The following STON2 variants were observed in gnomAD, a reference collection of about 807,000 sequenced individuals.
STON2 encodes stonin-2.
STON2 carries 29 observed loss-of-function variants against 65.7 expected under a neutral mutation model. The observed-to-expected ratio is 0.44, with a 90% CI of 0.33 to 0.60. STON2 has a LOEUF of 0.60. Ranked by LOEUF, STON2 falls within the 20% of genes least tolerant of loss-of-function variation. STON2 has a pLI of 0.03. For missense variants in STON2, 1,054 were observed against 1,118.1 expected (o/e 0.94, Z 0.82); for synonymous variants, 404 against 414.2 (o/e 0.98, Z 0.30).
intron 4 of STON2, among the ~76,000 whole-genome samples, chr14:81,357,921 G>A (rs1898320782): frequency 6.7e-6 from 1 of 150,066 alleles, no homozygotes; most frequent in South Asian, 2.2e-4. Flanking sequence ...ATAGCATTGG[G>A]AGATATACCT....
intron 2 of STON2, among the ~76,000 whole-genome samples, chr14:81,416,502 G>T (rs1353344441): frequency 6.6e-6 from 1 of 152,208 alleles, no homozygotes; most frequent in East Asian, 1.9e-4. Flanking sequence ...CGGAGGCAGG[G>T]TCAACACAGT....
chr14:81,312,056 G>A (rs763500001), intron 5 of STON2, among the ~76,000 whole-genome samples: 3 of 152,212 alleles, frequency 2.0e-5, no homozygotes, highest in Non-Finnish European at 2.9e-5. Flanking sequence ...CGTAGCATGT[G>A]TGCAGCATAG....
chr14:81,414,609 T>C (rs922735765), intron 2 of STON2, among the ~76,000 whole-genome samples: 2 of 151,702 alleles, frequency 1.3e-5, no homozygotes, highest in African/African-American at 4.8e-5. Flanking sequence ...TTTCTCAAGA[T>C]TCCTTGAATA....
intron 5 of STON2, among the ~76,000 whole-genome samples, chr14:81,293,150 T>C (rs919082384): frequency 6.6e-6 from 1 of 151,088 alleles, no homozygotes; most frequent in Non-Finnish European, 1.5e-5. Context: ...TAGGAAGCCT[T>C]CACCTTAGTT....
At chr14:81,391,628 T>C (rs1900082951) in intron 3 of STON2, among the ~76,000 whole-genome samples, 1 of 152,244 alleles carries the variant, frequency 6.6e-6, no homozygotes, top group Non-Finnish European at 1.5e-5. Context: ...TTAGGTTCAT[T>C]GATGGGTCAA....
chr14:81,323,022 A>C (rs1324185838), intron 5 of STON2, among the ~76,000 whole-genome samples: 1 of 152,146 alleles, frequency 6.6e-6, no homozygotes, highest in Non-Finnish European at 1.5e-5. Context: ...AAAACCCCTT[A>C]GCTTAGCATC....
intron 4 of STON2, among the ~76,000 whole-genome samples, chr14:81,363,252 A>G (rs911573239): frequency 1.3e-5 from 2 of 152,362 alleles, no homozygotes; most frequent in African/African-American, 2.4e-5. Context: ...TAATATATGT[A>G]TAAAGTATAT....
Position 81,299,512 on chromosome 14 carries a change from A to G in STON2, c.743-20773T>C, listed in dbSNP as rs1895890372. Among the ~76,000 whole-genome samples, 5 of 152,234 alleles carry G rather than the reference A, an allele frequency of 3.3e-5. No homozygotes were observed. The South Asian group carries it at 1.0e-3, about 32-fold the overall frequency. On this transcript the variant is annotated intron_variant, in intron 5 of 7. Coordinates refer to ENST00000614646, the MANE Select transcript of STON2 (RefSeq NM_001394390.1). ...AGGCAAGAAAAAGGAATAAAAAGTA[A>G]AAGAAAGAGGTTGAGCCCTGTGGCT...
intron 5 of STON2, among the ~76,000 whole-genome samples, chr14:81,285,040 C>T (rs1240864437): frequency 6.6e-6 from 1 of 152,162 alleles, no homozygotes; most frequent in East Asian, 1.9e-4. Context: ...TGACAATGCA[C>T]CTGGCCACCC....
intron 5 of STON2, among the ~76,000 whole-genome samples, chr14:81,304,225 GAGGA>G (rs1387368999): frequency 6.6e-6 from 1 of 152,146 alleles, no homozygotes; most frequent in African/African-American, 2.4e-5. Flanking sequence ...ACCTATTATG[GAGGA>G]GCCACTGTAA....
chr14:81,390,580 AAAACAAACAAAC>A (rs142075412), intron 3 of STON2, among the ~76,000 whole-genome samples: 2,924 of 152,298 alleles, frequency 0.019, 113 homozygotes, highest in African/African-American at 0.068. Flanking sequence ...AACAAAACAA[AAAACAAACAAAC>A]AAACAAACAA....
intron 4 of STON2, among the ~76,000 whole-genome samples, chr14:81,367,170 C>T (rs1898774635): frequency 6.6e-6 from 1 of 152,036 alleles, no homozygotes; most frequent in Admixed American, 6.5e-5. Flanking sequence ...CATCTGAAAG[C>T]ATTTTTTTCT....
intron 2 of STON2, among the ~76,000 whole-genome samples, chr14:81,417,716 C>T (rs1220079718): frequency 6.6e-6 from 1 of 151,938 alleles, no homozygotes; most frequent in Admixed American, 6.6e-5. Context: ...TAGAGTCATC[C>T]AAGAAAAAAC....
chr14:81,416,205 T>A (rs1407406312), intron 2 of STON2, among the ~76,000 whole-genome samples: 1 of 152,172 alleles, frequency 6.6e-6, no homozygotes, highest in Non-Finnish European at 1.5e-5. Flanking sequence ...CAGGTAAACC[T>A]TTTCATGAAT....
chr14:81,405,456 T>C (rs1900799932), intron 2 of STON2, among the ~76,000 whole-genome samples: 1 of 142,026 alleles, frequency 7.0e-6, no homozygotes, highest in Admixed American at 7.0e-5. Context: ...GATTAGTTAC[T>C]ATTGTTTTTT....
chr14:81,314,887 G>A (rs187904961), intron 5 of STON2, among the ~76,000 whole-genome samples: 1 of 152,014 alleles, frequency 6.6e-6, no homozygotes, highest in African/African-American at 2.4e-5. Flanking sequence ...GTATTACTCT[G>A]TTGCCCAAGG....
In STON2 at chr14:81,330,647, C is replaced by T. The variant is rs567372470; in HGVS notation, c.572-6460G>A. Among the ~76,000 whole-genome samples, 66 of 152,274 alleles carry T rather than the reference C, an allele frequency of 4.3e-4. 1 individual carries two copies. The South Asian group carries it at 0.013, about 30-fold the overall frequency. On this transcript the variant is annotated intron_variant, in intron 4 of 7. Transcript: ENST00000614646. ...GAGAGCCAGTGTCCACCTCAAATTTCCCCTCACCCACACTGCATTCCAACA... is the reference window on the plus strand; with the variant it reads ...GAGAGCCAGTGTCCACCTCAAATTTTCCCTCACCCACACTGCATTCCAACA...
intron 5 of STON2, among the ~76,000 whole-genome samples, chr14:81,290,391 G>C (rs977976680): frequency 6.6e-6 from 1 of 152,184 alleles, no homozygotes; most frequent in Non-Finnish European, 1.5e-5. Context: ...CAGGGGGCTG[G>C]TGATATGGGC....
intron 4 of STON2, among the ~76,000 whole-genome samples, chr14:81,359,630 T>C (rs993169685): frequency 6.6e-6 from 1 of 151,974 alleles, no homozygotes; most frequent in Non-Finnish European, 1.5e-5. Flanking sequence ...AACTTTTAGC[T>C]AGACTAAGAA....
Sources: gnomAD v4.1 joint callset for allele counts (sites outside exome capture counted in the v4.1 genomes callset) on GRCh38, gnomAD v4.1.1 for gene constraint, MANE v1.5 for transcripts, NCBI Gene and HGNC (gene_info 2026-07-23, HGNC 2026-07-21) for gene names.